Variants in SLC2A12 observed in about 807,000 individuals in gnomAD.
SLC2A12 encodes the protein solute carrier family 2, facilitated glucose transporter member 12.
In SLC2A12, 23 loss-of-function variants were observed where a neutral mutation model predicts 41.8. The observed-to-expected ratio is 0.55, with a 90% CI of 0.40 to 0.78. The LOEUF (loss-of-function observed/expected upper bound fraction) is 0.78. SLC2A12 is among the 30% of genes least tolerant of loss of function. SLC2A12 has a pLI of 0.00. For missense variants in SLC2A12, 654 were observed against 745.6 expected (o/e 0.88, Z 1.43); for synonymous variants, 295 against 285.9 (o/e 1.03, Z -0.32).
chr6:134,020,984 G>A (rs933170108), intron 2 of SLC2A12, among the ~76,000 whole-genome samples: 2 of 152,120 alleles, frequency 1.3e-5, no homozygotes, highest in East Asian at 1.9e-4. Flanking sequence ...CAAAATTCTC[G>A]AATAACTATG....
rs1248649949 is a variant in SLC2A12, at chr6:133,991,327, C to T, written c.1701-19G>A. On this transcript the variant is annotated intron_variant, in intron 4 of 4. Transcript: ENST00000275230. ...ATAGTTCCTGAAAGAGAAAGAGGCA[C>T]TAATGAAAATGTCATTCTTAGTTTA... The T allele has an allele frequency of 1.2e-6, 2 of 1,606,296 alleles. No individual in the cohort carries two copies. Among genetic ancestry groups the T allele is most frequent in the Non-Finnish European group, 1.7e-6 (2 of 1,177,540 alleles).
At chr6:134,007,539 C>G (rs567718026) in intron 2 of SLC2A12, among the ~76,000 whole-genome samples, 1 of 152,316 alleles carries the variant, frequency 6.6e-6, no homozygotes, top group East Asian at 1.9e-4. Flanking sequence ...TTGTACCAGA[C>G]TAAACATTTG....
chr6:133,999,470 A>C (rs925267461), intron 4 of SLC2A12, among the ~76,000 whole-genome samples: 1 of 152,204 alleles, frequency 6.6e-6, no homozygotes, highest in African/African-American at 2.4e-5. Flanking sequence ...TTGTGCTGAC[A>C]ATAGAAAGTG....
chr6:134,028,337 C>A (rs765724341), intron 2 of SLC2A12, 44 bp downstream of exon 2: 6 of 1,548,084 alleles, frequency 3.9e-6, no homozygotes, highest in Middle Eastern at 4.2e-4. Flanking sequence ...CAGTAGGATG[C>A]TCTGACTGGT....
chr6:134,001,307 AT>A (rs1200113276), intron 4 of SLC2A12, among the ~76,000 whole-genome samples: 14 of 152,326 alleles, frequency 9.2e-5, no homozygotes, highest in Non-Finnish European at 1.8e-4. Context: ...ACCTATGGAA[AT>A]AAACTGTTTT....
At chr6:134,010,399 G>C (rs919899380) in intron 2 of SLC2A12, among the ~76,000 whole-genome samples, 2 of 152,172 alleles carry the variant, frequency 1.3e-5, no homozygotes, top group African/African-American at 4.8e-5. Context: ...GGAATCCACA[G>C]AGCACTTGTA....
At chr6:134,010,583 C>T (rs1206058242) in intron 2 of SLC2A12, among the ~76,000 whole-genome samples, 2 of 152,108 alleles carry the variant, frequency 1.3e-5, no homozygotes, top group Non-Finnish European at 1.5e-5. Context: ...AAGGTCTTGT[C>T]TATGTTGCAA....
rs373274365 is a variant in SLC2A12, at chr6:134,045,382, C to T, written c.103+6996G>A. On this transcript the variant is annotated intron_variant, in intron 1 of 4. Coordinates refer to ENST00000275230, the MANE Select transcript of SLC2A12 (RefSeq NM_145176.3). Reference sequence around the variant, plus strand: ...GTAAGGTTCAGATCACTGTGCTGTCCTCTAATATCTGTGCTACCCAAGACA... The same window carrying T: ...GTAAGGTTCAGATCACTGTGCTGTCTTCTAATATCTGTGCTACCCAAGACA... 3.3e-5 allele frequency among the ~76,000 whole-genome samples: 5 copies of T among 152,128 alleles called. No individual in the cohort carries two copies. In the East Asian group the frequency reaches 5.8e-4, roughly 18 times the overall value.
At chr6:134,015,701 T>C (rs1776951413) in intron 2 of SLC2A12, among the ~76,000 whole-genome samples, 1 of 152,182 alleles carries the variant, frequency 6.6e-6, no homozygotes, top group South Asian at 2.1e-4. Flanking sequence ...CCTGTGCTTC[T>C]GCAATGTCAG....
At chr6:134,000,494 C>T (rs990925973) in intron 4 of SLC2A12, among the ~76,000 whole-genome samples, 1 of 152,230 alleles carries the variant, frequency 6.6e-6, no homozygotes, top group Admixed American at 6.5e-5. Flanking sequence ...TGTAATCATA[C>T]ATTTTTCTCT....
rs376594692 is a variant in SLC2A12, at chr6:134,028,738, T to C, written c.1087A>G (p.Ile363Val). 6.8e-6 allele frequency: 11 copies of C among 1,614,172 alleles called. No individual in the cohort carries two copies. In the East Asian group the frequency reaches 1.6e-4, roughly 23 times the overall value. The change falls in exon 2 of 5, where the codon ATC becomes GTC. Residue 363 changes from isoleucine to valine, a missense_variant. By Grantham distance (29) the Ile-to-Val change is conservative. Transcript: ENST00000275230. ...VMAASLVTMG[I>V]VNLNIHMNFT... ...TTCATGTGGATGTTGAGATTTACGA[T>C]GCCCATGGTCACCAACGAAGCTGCC... is the stretch of plus-strand genomic sequence containing the variant.
chr6:133,987,648 G>GTGTGTGTGTATATATATATATATATA lies in SLC2A12; in HGVS notation c.*3506_*3507insTATATATATATATATATACACACACA, dbSNP rs200249148. On this transcript the variant is annotated 3_prime_UTR_variant, in exon 5 of 5. Coordinates refer to ENST00000275230, the MANE Select transcript of SLC2A12 (RefSeq NM_145176.3). ...TTTGTGTGTGTGTGTGTGTGTGTGT[G>GTGTGTGTGTATATATATATATATATA]TATATATATATATATATATGCACCA... 5 of 88,396 alleles carry GTGTGTGTGTATATATATATATATATA rather than the reference G, an allele frequency of 5.7e-5. No individual in the cohort carries two copies. Among genetic ancestry groups the GTGTGTGTGTATATATATATATATATA allele is most frequent in the South Asian group, 3.1e-4 (1 of 3,238 alleles). The allele number at this position is 88,396 out of a possible 1,614,324, so 5.5% of individuals were successfully genotyped here.
Position 134,052,554 on chromosome 6 carries a change from T to C in SLC2A12, c.-74A>G. On this transcript the variant is annotated 5_prime_UTR_variant, in exon 1 of 5. Coordinates refer to ENST00000275230, the MANE Select transcript of SLC2A12 (RefSeq NM_145176.3). ...CACCCCCGCTCCCAGGAGTGGTCAC[T>C]TTCCCCATAATAGCATGCTAAAGAA... is the stretch of plus-strand genomic sequence containing the variant. The C allele has an allele frequency of 8.7e-7, 1 of 1,154,738 alleles. No homozygotes were observed. 71.5% of individuals were successfully genotyped at this position (1,154,738 alleles called of 1,614,324 possible).
chr6:134,029,747 A>G (rs1332083192), intron 1 of SLC2A12, 26 bp from the exon 2 acceptor site: 1 of 1,570,584 alleles, frequency 6.4e-7, no homozygotes, highest in Non-Finnish European at 8.6e-7. Context: ...AGAGACAGGG[A>G]GGTCAGTTCT....
At chr6:134,039,894 A>G (rs1002503392) in intron 1 of SLC2A12, among the ~76,000 whole-genome samples, 3 of 152,020 alleles carry the variant, frequency 2.0e-5, no homozygotes, top group Admixed American at 6.6e-5. Flanking sequence ...AGTTTTCACA[A>G]TGTGATGTAC....
At position 133,988,313 on chromosome 6, in the gene SLC2A12, A is replaced by G. The variant is rs991513774; in HGVS notation, c.*2842T>C. The G allele has an allele frequency of 3.9e-5, 6 of 152,222 alleles. No individual in the cohort carries two copies. Among genetic ancestry groups the G allele is most frequent in the Admixed American group, 3.9e-4 (6 of 15,282 alleles). The allele number at this position is 152,222 out of a possible 1,614,324, so 9.4% of individuals were successfully genotyped here. On this transcript the variant is annotated 3_prime_UTR_variant, in exon 5 of 5. Transcript: ENST00000275230. ...AGCCCTGATGTGGTAATACAGGATC[A>G]AGCTGTAGTTGTGCCCTGTCATTTA...
chr6:134,011,359 C>T (rs2114441038), intron 2 of SLC2A12, among the ~76,000 whole-genome samples: 1 of 152,180 alleles, frequency 6.6e-6, no homozygotes. Flanking sequence ...TGATGGTTCA[C>T]TCCTGTAATC....
chr6:134,038,699 C>T (rs1582624305), intron 1 of SLC2A12, among the ~76,000 whole-genome samples: 2 of 113,040 alleles, frequency 1.8e-5, no homozygotes, highest in African/African-American at 4.9e-5. Context: ...TCCTTTCTTT[C>T]CTTTTTTTTT....
At chr6:133,992,681 G>C (rs1467084794) in intron 4 of SLC2A12, among the ~76,000 whole-genome samples, 2 of 152,194 alleles carry the variant, frequency 1.3e-5, no homozygotes, top group Non-Finnish European at 2.9e-5. Context: ...GAAATGCGAA[G>C]AAGTGGCCTT....
Sources: gnomAD v4.1 joint callset for allele counts (sites outside exome capture counted in the v4.1 genomes callset) on GRCh38, gnomAD v4.1.1 for gene constraint, MANE v1.5 for transcripts, NCBI Gene and HGNC (gene_info 2026-07-23, HGNC 2026-07-21) for gene names.